The following ITGA1 variants were observed in gnomAD, a reference collection of about 807,000 sequenced individuals.
ITGA1 encodes integrin subunit alpha 1, also known as integrin alpha-1.
In ITGA1, 85 loss-of-function variants were observed where a neutral mutation model predicts 145.9. That is an observed-to-expected ratio of 0.58 (90% CI 0.49 to 0.70). The LOEUF is 0.70. Ranked by LOEUF, ITGA1 falls within the 30% of genes least tolerant of loss-of-function variation. ITGA1 has a pLI of 0.00. For synonymous variants in ITGA1, 520 were observed against 495.3 expected, an observed-to-expected ratio of 1.05 and a Z score of -0.66; for missense variants, 1,351 against 1,418.7, an observed-to-expected ratio of 0.95 and a Z score of 0.77.
chr5:52,910,110 C>T (rs1750479527), intron 13 of ITGA1, 52 bp from the exon 14 acceptor site: 2 of 1,526,792 alleles, frequency 1.3e-6, no homozygotes, highest in Non-Finnish European at 1.8e-6. Flanking sequence ...AAATTCTACT[C>T]TGCTGTAGTA....
chr5:52,855,557 G>A (rs1749499952), intron 2 of ITGA1, among the ~76,000 whole-genome samples: 1 of 152,088 alleles, frequency 6.6e-6, no homozygotes, highest in Non-Finnish European at 1.5e-5. Context: ...TACTATTGTG[G>A]AGCTTATATT....
chr5:52,809,833 A>G (rs1748657686), intron 1 of ITGA1, among the ~76,000 whole-genome samples: 1 of 152,204 alleles, frequency 6.6e-6, no homozygotes, highest in South Asian at 2.1e-4. Flanking sequence ...TTTTTCTTCT[A>G]CAGAGTGGTC....
intron 14 of ITGA1, among the ~76,000 whole-genome samples, chr5:52,910,997 G>A (rs10046045): frequency 1.7e-5 from 2 of 114,920 alleles, no homozygotes; most frequent in African/African-American, 7.6e-5. Flanking sequence ...ACTATATATA[G>A]TATGTATACT....
At chr5:52,932,314 C>T (rs1750904723) in intron 22 of ITGA1, 178 bp downstream of exon 22, 1 of 549,306 alleles carries the variant, frequency 1.8e-6, no homozygotes, top group South Asian at 2.6e-5. Context: ...AACAAGCCTT[C>T]CAGGTAATTC....
intron 2 of ITGA1, among the ~76,000 whole-genome samples, chr5:52,858,640 A>G (rs1177770362): frequency 6.6e-6 from 1 of 152,142 alleles, no homozygotes; most frequent in Non-Finnish European, 1.5e-5. Flanking sequence ...TAACTGTAAA[A>G]CCAATTTATT....
intron 8 of ITGA1, among the ~76,000 whole-genome samples, chr5:52,888,771 C>T (rs1383568375): frequency 6.6e-6 from 1 of 152,188 alleles, no homozygotes; most frequent in Non-Finnish European, 1.5e-5. Context: ...CCTGTAACCT[C>T]ATTATTCCTA....
At chr5:52,844,355 G>T (rs1749302247) in intron 1 of ITGA1, among the ~76,000 whole-genome samples, 2 of 152,144 alleles carry the variant, frequency 1.3e-5, no homozygotes, top group Admixed American at 6.6e-5. Context: ...TGCCTCTCAG[G>T]AGATGCAGTT....
In ITGA1 at chr5:52,824,796, A is replaced by G. The variant is rs570382706; in HGVS notation, c.62-24569A>G. ...GAAGATCCTTTAAAAAGCAAACTGG[A>G]TAAATAGTACTTCAGAATTCTATAT... On this transcript the variant is annotated intron_variant, in intron 1 of 28. Transcript: ENST00000282588. 124 of 152,314 alleles carry G rather than the reference A, an allele frequency of 8.1e-4. 1 individual carries two copies. The highest frequency in any genetic ancestry group is 2.8e-3 in the African/African-American group (118 of 41,574). 9.4% of individuals were successfully genotyped at this position (152,314 alleles called of 1,614,324 possible). A position where few individuals can be genotyped will look rare whatever the true frequency, so the allele number is the denominator to read the frequency against.
At chr5:52,807,257 G>A (rs1435000704) in intron 1 of ITGA1, among the ~76,000 whole-genome samples, 1 of 152,158 alleles carries the variant, frequency 6.6e-6, no homozygotes, top group Non-Finnish European at 1.5e-5. Context: ...TTTGCCCAGG[G>A]TTGGTACCAC....
intron 6 of ITGA1, among the ~76,000 whole-genome samples, chr5:52,867,632 T>A (rs2111780960): frequency 6.6e-6 from 1 of 152,000 alleles, no homozygotes; most frequent in East Asian, 2.0e-4. Flanking sequence ...TCTTCCTTCC[T>A]CCTTTCCTCG....
In ITGA1 at chr5:52,925,180, T is replaced by G; in HGVS notation, c.2404-98T>G. 9.6e-6 allele frequency: 8 copies of G among 835,058 alleles called. No individual in the cohort carries two copies. In the South Asian group the frequency reaches 1.1e-4, roughly 11 times the overall value. The allele number at this position is 835,058 out of a possible 1,614,324, so 51.7% of individuals were successfully genotyped here. ...AATTCTCCTTATGAGTTGCTTAACT[T>G]ACTTTGGCTGTATGCCATTTTTGTT... On this transcript the variant is annotated intron_variant, in intron 18 of 28. Coordinates refer to ENST00000282588, the MANE Select transcript of ITGA1 (RefSeq NM_181501.2).
At chr5:52,922,590 T>A (rs1414895980) in intron 17 of ITGA1, among the ~76,000 whole-genome samples, 187 bp from the exon 18 acceptor site, 1 of 152,146 alleles carries the variant, frequency 6.6e-6, no homozygotes, top group Non-Finnish European at 1.5e-5. Context: ...CACATTCCCC[T>A]ATGCCCCTTG....
In ITGA1 at chr5:52,887,970, G is replaced by C. The variant is rs1411516157; in HGVS notation, c.924+5G>C. 1 of 1,610,238 alleles carries C rather than the reference G, an allele frequency of 6.2e-7. No individual in the cohort carries two copies. The highest frequency in any genetic ancestry group is 1.7e-5 in the Admixed American group (1 of 59,862). ...ATTCAACGGTTTTCCATAGCTGTAAGTGTGTTGCCGGAGATATTTTCAAAC... is the reference window on the plus strand; with the variant it reads ...ATTCAACGGTTTTCCATAGCTGTAACTGTGTTGCCGGAGATATTTTCAAAC... On this transcript the variant is annotated splice_donor_5th_base_variant and intron_variant, in intron 8 of 28. Transcript: ENST00000282588.
intron 11 of ITGA1, 90 bp downstream of exon 11, chr5:52,898,473 AC>A: frequency 8.8e-7 from 1 of 1,136,640 alleles, no homozygotes; most frequent in Non-Finnish European, 1.2e-6. Context: ...TAGGCTTGCA[AC>A]CATATAGCAG....
intron 1 of ITGA1, chr5:52,800,935 G>T (rs1236984765): frequency 6.2e-7 from 1 of 1,614,182 alleles, no homozygotes; most frequent in East Asian, 2.2e-5. Context: ...GCATGACCGG[G>T]CCTTGGAGCG....
In ITGA1 at chr5:52,844,099, C is replaced by T. The variant is rs572120981; in HGVS notation, c.62-5266C>T. 1.2e-4 allele frequency among the ~76,000 whole-genome samples: 19 copies of T among 152,256 alleles called. No homozygotes were observed. In the South Asian group the frequency reaches 3.1e-3, roughly 25 times the overall value. On this transcript the variant is annotated intron_variant, in intron 1 of 28. Transcript: ENST00000282588. ...ATTTCTTTTTATAAGAGATATCCTTCAACACCAGCAATTTCATCTTTCTCT... is the reference window on the plus strand; with the variant it reads ...ATTTCTTTTTATAAGAGATATCCTTTAACACCAGCAATTTCATCTTTCTCT...
intron 13 of ITGA1, 61 bp from the exon 14 acceptor site, chr5:52,910,101 A>T: frequency 1.3e-6 from 2 of 1,487,310 alleles, no homozygotes; most frequent in Non-Finnish European, 1.8e-6. Flanking sequence ...ATACTTTAAA[A>T]ATTCTACTCT....
intron 13 of ITGA1, among the ~76,000 whole-genome samples, chr5:52,909,433 A>C (rs538083707): frequency 6.6e-6 from 1 of 152,236 alleles, no homozygotes; most frequent in East Asian, 1.9e-4. Flanking sequence ...GTTTCAAGGC[A>C]GCAACACTGC....
intron 5 of ITGA1, 77 bp downstream of exon 5, chr5:52,865,159 T>C (rs1749667407): frequency 9.6e-7 from 1 of 1,038,858 alleles, no homozygotes; most frequent in African/African-American, 1.6e-5. Context: ...CAAAGGAACA[T>C]ACCAAAAAGC....
Sources: gnomAD v4.1 joint callset for allele counts (sites outside exome capture counted in the v4.1 genomes callset) on GRCh38, gnomAD v4.1.1 for gene constraint, MANE v1.5 for transcripts, NCBI Gene and HGNC (gene_info 2026-07-23, HGNC 2026-07-21) for gene names.